TAMM41: variants seen among roughly 807,000 people sequenced by gnomAD.
The protein encoded by TAMM41 is TAM41 mitochondrial translocator assembly and maintenance homolog.
A neutral mutation model predicts 44.1 loss-of-function variants in TAMM41; 36 were observed. The ratio of observed to expected loss-of-function variants is 0.82; its 90% CI spans 0.63 to 1.08. The LOEUF (loss-of-function observed/expected upper bound fraction) is 1.08, where lower values mean the gene tolerates loss of function less well. Ranked by LOEUF, TAMM41 falls within the 50% of genes least tolerant of loss-of-function variation. TAMM41 has a pLI of 0.00. For missense variants in TAMM41, 417 were observed against 404.3 expected (o/e 1.03, Z -0.27); for synonymous variants, 164 against 153.1 (o/e 1.07, Z -0.53).
At chr3:11,819,140 T>C (rs1310035859) in intron 4 of TAMM41, among the ~76,000 whole-genome samples, 3 of 152,192 alleles carry the variant, frequency 2.0e-5, no homozygotes, top group Admixed American at 2.0e-4. Context: ...GTTGACTGCA[T>C]AAACTGCTAA....
chr3:11,825,440 T>C (rs915416781), intron 4 of TAMM41, among the ~76,000 whole-genome samples: 1 of 152,172 alleles, frequency 6.6e-6, no homozygotes, highest in Non-Finnish European at 1.5e-5. Flanking sequence ...ACACTGCTTG[T>C]AAGGTTTCAG....
chr3:11,833,967 A>G (rs2125043842), intron 3 of TAMM41, among the ~76,000 whole-genome samples: 1 of 152,306 alleles, frequency 6.6e-6, no homozygotes, highest in South Asian at 2.1e-4. Context: ...AATAGGCCAG[A>G]CAAGGGGGCT....
chr3:11,769,129 C>T, the TAMM41 span, among the ~76,000 whole-genome samples: 1 of 152,148 alleles, frequency 6.6e-6, no homozygotes, highest in Admixed American at 6.6e-5. Context: ...TCACTCTGCG[C>T]CCAGGCTGGA....
chr3:11,801,851 G>A (rs564612174), intron 7 of TAMM41, among the ~76,000 whole-genome samples: 10 of 152,190 alleles, frequency 6.6e-5, no homozygotes, highest in South Asian at 2.1e-4. Context: ...AAAGTTAGCA[G>A]AAGAAAAGAA....
intron 2 of TAMM41, among the ~76,000 whole-genome samples, chr3:11,840,695 G>A (rs2125062507): frequency 6.6e-6 from 1 of 151,890 alleles, no homozygotes; most frequent in Non-Finnish European, 1.5e-5. Flanking sequence ...TCTAGTATTG[G>A]TCCTCAGTGG....
chr3:11,805,423 C>T (rs561299467), intron 7 of TAMM41, among the ~76,000 whole-genome samples: 16 of 152,176 alleles, frequency 1.1e-4, no homozygotes, highest in Non-Finnish European at 2.4e-4. Flanking sequence ...AGGTGTGAGC[C>T]ACCGCATCTG....
At chr3:11,831,339 G>A (rs534168402) in intron 3 of TAMM41, among the ~76,000 whole-genome samples, 5 of 152,264 alleles carry the variant, frequency 3.3e-5, no homozygotes, top group Admixed American at 1.3e-4. Context: ...CTGCTCTAAG[G>A]TGCATACTTA....
At chr3:11,775,408 G>A in the TAMM41 span, among the ~76,000 whole-genome samples, 3 of 152,092 alleles carry the variant, frequency 2.0e-5, no homozygotes, top group Admixed American at 1.3e-4. Flanking sequence ...CTTACCCCTC[G>A]ACTGTCTTTC....
the TAMM41 span, among the ~76,000 whole-genome samples, chr3:11,742,999 C>T: frequency 6.6e-6 from 1 of 152,154 alleles, no homozygotes; most frequent in African/African-American, 2.4e-5. Flanking sequence ...CCCAACTTCT[C>T]TTACATCTGG....
chr3:11,771,692 C>T, the TAMM41 span, among the ~76,000 whole-genome samples: 767 of 152,174 alleles, frequency 5.0e-3, 2 homozygotes, highest in Non-Finnish European at 7.1e-3. Context: ...AAGCGATTCT[C>T]CTGTCTCAGC....
the TAMM41 span, among the ~76,000 whole-genome samples, chr3:11,765,498 TA>T: frequency 6.6e-6 from 1 of 152,204 alleles, no homozygotes; most frequent in Non-Finnish European, 1.5e-5. Context: ...GCTACAAGCG[TA>T]AAGACAGGAT....
chr3:11,808,347 G>A (rs2077982472), intron 6 of TAMM41: 2 of 1,004,754 alleles, frequency 2.0e-6, no homozygotes, highest in Non-Finnish European at 2.4e-6. Context: ...CAAAGAGACG[G>A]CCCAGATCAC....
chr3:11,747,760 T>C, the TAMM41 span, among the ~76,000 whole-genome samples: 1 of 151,928 alleles, frequency 6.6e-6, no homozygotes, highest in Non-Finnish European at 1.5e-5. Flanking sequence ...AATGAGACCC[T>C]GTCTCAAAAA....
the TAMM41 span, among the ~76,000 whole-genome samples, chr3:11,741,208 C>T: frequency 1.1e-5 from 1 of 91,782 alleles, no homozygotes; most frequent in Non-Finnish European, 2.0e-5. Context: ...CAGAACAAGA[C>T]ACCGTCTCAA....
Position 11,846,825 on chromosome 3 carries a change from G to T in TAMM41, c.-189C>A. The T allele has an allele frequency of 1.4e-6, 1 of 696,244 alleles. No homozygotes were observed. The highest frequency in any genetic ancestry group is 2.4e-6 in the Non-Finnish European group (1 of 425,260). 43.1% of individuals were successfully genotyped at this position (696,244 alleles called of 1,614,324 possible). A position where few individuals can be genotyped will look rare whatever the true frequency, so the allele number is the denominator to read the frequency against. On this transcript the variant is annotated 5_prime_UTR_variant, in exon 1 of 8. Coordinates refer to ENST00000455809, the MANE Select transcript of TAMM41 (RefSeq NM_001284401.2). The stretch of plus-strand genomic sequence containing the variant: ...GGGCGTTGGGCCACGAAGAGCAGCG[G>T]CGAGAAGACGCAGCCCAGATAGGCT...
At chr3:11,767,625 C>CTTTTTTTTTTTTTTTTTTT in the TAMM41 span, among the ~76,000 whole-genome samples, 18 of 27,894 alleles carry the variant, frequency 6.5e-4, no homozygotes, top group African/African-American at 1.1e-3. Flanking sequence ...ACACGTTGTG[C>CTTTTTTTTTTTTTTTTTTT]ATTTTTTTTT....
At chr3:11,829,953 C>G (rs2078916747) in intron 3 of TAMM41, 89 bp from the exon 4 acceptor site, 1 of 1,310,758 alleles carries the variant, frequency 7.6e-7, no homozygotes, top group South Asian at 1.3e-5. Flanking sequence ...CTATCTCAAA[C>G]TCTCTTCCCA....
At chr3:11,783,646 A>C in the TAMM41 span, among the ~76,000 whole-genome samples, 2 of 152,370 alleles carry the variant, frequency 1.3e-5, no homozygotes, top group South Asian at 4.1e-4. Flanking sequence ...CATAACTCCA[A>C]GAGACAGTTA....
intron 7 of TAMM41, among the ~76,000 whole-genome samples, chr3:11,801,073 C>T (rs2077737859): frequency 7.7e-6 from 1 of 130,342 alleles, no homozygotes; most frequent in Non-Finnish European, 1.6e-5. Context: ...CCCTGGGCAA[C>T]AGAGCAAGAC....
Sources: allele counts gnomAD v4.1 joint callset (sites outside exome capture counted in the v4.1 genomes callset), GRCh38; gene constraint gnomAD v4.1.1; transcripts MANE v1.5; gene names NCBI Gene and HGNC (gene_info 2026-07-23, HGNC 2026-07-21).